OCA2: variants seen among roughly 807,000 people sequenced by gnomAD.
OCA2 encodes the protein P protein.
A neutral mutation model predicts 100.2 loss-of-function variants in OCA2; 77 were observed. The ratio of observed to expected loss-of-function variants is 0.77; its 90% CI spans 0.64 to 0.93. The LOEUF is 0.93. Ranked by LOEUF, OCA2 falls within the 40% of genes least tolerant of loss-of-function variation. The probability of loss-of-function intolerance (pLI) is 0.00; values close to 1 mark genes in which losing one functional copy is unlikely to be tolerated. For missense variants in OCA2, 1,062 were observed against 1,089.1 expected (o/e 0.98, Z 0.35); for synonymous variants, 432 against 439.2 (o/e 0.98, Z 0.21).
intron 19 of OCA2, among the ~76,000 whole-genome samples, chr15:27,893,143 T>C (rs915724296): frequency 6.6e-6 from 1 of 152,234 alleles, no homozygotes; most frequent in African/African-American, 2.4e-5. Context: ...AGGGACCGGC[T>C]GGAGCCGTGG....
intron 23 of OCA2, among the ~76,000 whole-genome samples, chr15:27,762,065 G>A (rs1002975581): frequency 6.6e-6 from 1 of 152,186 alleles, no homozygotes; most frequent in African/African-American, 2.4e-5. Flanking sequence ...TTGTATAAAT[G>A]TAAGGGGTAT....
chr15:27,927,404 T>C (rs1239988161), intron 18 of OCA2, among the ~76,000 whole-genome samples: 1 of 152,224 alleles, frequency 6.6e-6, no homozygotes, highest in South Asian at 2.1e-4. Context: ...CATTCACCTA[T>C]TGATGGACAC....
intron 23 of OCA2, among the ~76,000 whole-genome samples, chr15:27,778,777 A>G (rs534522603): frequency 1.3e-5 from 2 of 152,252 alleles, no homozygotes; most frequent in African/African-American, 4.8e-5. Context: ...GGAAAAGGCA[A>G]GTGGCAGAGA....
At chr15:27,837,874 C>T (rs529531107) in intron 23 of OCA2, among the ~76,000 whole-genome samples, 1 of 150,498 alleles carries the variant, frequency 6.6e-6, no homozygotes, top group African/African-American at 2.4e-5. Flanking sequence ...ATGGAAATGC[C>T]CCACGACTGA....
At chr15:28,018,606 GT>G in intron 6 of OCA2, 49 bp from the exon 7 acceptor site, 1 of 1,576,042 alleles carries the variant, frequency 6.3e-7, no homozygotes, top group African/African-American at 1.3e-5. Flanking sequence ...GAAACCCCAT[GT>G]CCCCGCCGCC....
intron 2 of OCA2, among the ~76,000 whole-genome samples, chr15:28,039,009 A>G (rs1352711984): frequency 6.6e-6 from 1 of 152,250 alleles, no homozygotes; most frequent in African/African-American, 2.4e-5. Context: ...AGTAGTAACC[A>G]AAAGAGAGTT....
chr15:28,091,289 GA>G (rs1021611942), intron 1 of OCA2, among the ~76,000 whole-genome samples: 287 of 152,188 alleles, frequency 1.9e-3, no homozygotes, highest in African/African-American at 6.5e-3. Context: ...CCAGAAAATA[GA>G]AAATGAGGTA....
intron 23 of OCA2, 129 bp from the exon 24 acceptor site, chr15:27,755,601 C>T (rs958750991): frequency 1.2e-5 from 9 of 725,528 alleles, no homozygotes; most frequent in Admixed American, 2.0e-5. Context: ...CCTTTTATTT[C>T]CATAAATCAG....
chr15:27,790,441 A>C (rs1410041103), intron 23 of OCA2, among the ~76,000 whole-genome samples: 1 of 152,258 alleles, frequency 6.6e-6, no homozygotes, highest in Non-Finnish European at 1.5e-5. Context: ...CATCTATGCA[A>C]TAAAATACTA....
chr15:27,730,750 T>C, the OCA2 span, among the ~76,000 whole-genome samples: 3 of 50,490 alleles, frequency 5.9e-5, no homozygotes, highest in African/African-American at 4.4e-4. Context: ...TATATATATA[T>C]ATATATATAT....
intron 2 of OCA2, among the ~76,000 whole-genome samples, chr15:28,067,051 G>C (rs2141719708): frequency 6.6e-6 from 1 of 152,312 alleles, no homozygotes; most frequent in Non-Finnish European, 1.5e-5. Flanking sequence ...TCCGTAAAAT[G>C]TATAAAATCA....
chr15:27,945,316 C>T (rs944303604), intron 18 of OCA2, among the ~76,000 whole-genome samples: 3 of 152,140 alleles, frequency 2.0e-5, no homozygotes, highest in Admixed American at 6.5e-5. Flanking sequence ...GACTCCTCTT[C>T]GCCTGGAAAT....
chr15:27,722,612 C>T, the OCA2 span, among the ~76,000 whole-genome samples: 19 of 134,834 alleles, frequency 1.4e-4, no homozygotes, highest in African/African-American at 3.8e-4. Flanking sequence ...TCCTTCTTTC[C>T]CTTCCTTCCT....
At chr15:27,722,745 T>C in the OCA2 span, among the ~76,000 whole-genome samples, 14 of 131,682 alleles carry the variant, frequency 1.1e-4, no homozygotes, top group Non-Finnish European at 2.1e-4. Flanking sequence ...CTTTCTTCTT[T>C]CTTCTTCTTT....
intron 23 of OCA2, among the ~76,000 whole-genome samples, chr15:27,836,151 T>A (rs971879167): frequency 7.9e-5 from 12 of 152,034 alleles, no homozygotes; most frequent in African/African-American, 2.9e-4. Flanking sequence ...ATTAGAAGGG[T>A]TCAATATACA....
intron 21 of OCA2, among the ~76,000 whole-genome samples, chr15:27,861,813 C>A (rs72710556): frequency 6.6e-6 from 1 of 152,024 alleles, no homozygotes; most frequent in South Asian, 2.1e-4. Context: ...AGGGGAGTGG[C>A]GGGAAGGCCT....
At chr15:28,062,727 T>C (rs2043912424) in intron 2 of OCA2, among the ~76,000 whole-genome samples, 1 of 152,224 alleles carries the variant, frequency 6.6e-6, no homozygotes, top group Non-Finnish European at 1.5e-5. Context: ...GAGTTAATTT[T>C]TGTATATGAT....
chr15:27,918,274 G>A (rs1419447690), intron 19 of OCA2, among the ~76,000 whole-genome samples: 1 of 152,032 alleles, frequency 6.6e-6, no homozygotes, highest in African/African-American at 2.4e-5. Flanking sequence ...GTTTCACCAT[G>A]TTGGCCAGGC....
intron 9 of OCA2, among the ~76,000 whole-genome samples, chr15:28,008,486 T>G (rs2141176990): frequency 6.6e-6 from 1 of 152,318 alleles, no homozygotes; most frequent in East Asian, 1.9e-4. Flanking sequence ...CCTCTGCCTT[T>G]GCCTCTTTTA....
Sources: allele counts gnomAD v4.1 joint callset (sites outside exome capture counted in the v4.1 genomes callset), GRCh38; gene constraint gnomAD v4.1.1; transcripts MANE v1.5; gene names NCBI Gene and HGNC (gene_info 2026-07-23, HGNC 2026-07-21).